Variants in FSTL5 observed in about 807,000 individuals in gnomAD.
FSTL5 encodes the protein follistatin like 5, also known as follistatin-related protein 5.
A neutral mutation model predicts 89.1 loss-of-function variants in FSTL5; 62 were observed. The observed-to-expected ratio is 0.70, with a 90% CI of 0.57 to 0.86. The LOEUF (loss-of-function observed/expected upper bound fraction) is 0.86, where lower values mean the gene tolerates loss of function less well. Ranked by LOEUF, FSTL5 falls within the 40% of genes least tolerant of loss-of-function variation. FSTL5 has a pLI of 0.00. For missense variants in FSTL5, 1,057 were observed against 1,001.6 expected (o/e 1.06, Z -0.75); for synonymous variants, 383 against 346.2 (o/e 1.11, Z -1.18).
chr4:161,667,318 G>T (rs1323067087), intron 6 of FSTL5, among the ~76,000 whole-genome samples: 1 of 152,044 alleles, frequency 6.6e-6, no homozygotes, highest in East Asian at 1.9e-4. Flanking sequence ...TCTTTTTTAT[G>T]CAGAATAGTT....
intron 6 of FSTL5, among the ~76,000 whole-genome samples, chr4:161,681,336 G>T (rs1380619951): frequency 6.6e-6 from 1 of 151,960 alleles, no homozygotes; most frequent in Non-Finnish European, 1.5e-5. Flanking sequence ...ATCTAATTAG[G>T]AAACAAGTTA....
intron 1 of FSTL5, among the ~76,000 whole-genome samples, chr4:162,155,648 C>T (rs1733438160): frequency 1.3e-5 from 2 of 152,194 alleles, no homozygotes. Context: ...CTGAAAATCA[C>T]ATGGGAGCAC....
intron 3 of FSTL5, among the ~76,000 whole-genome samples, chr4:161,935,356 T>C (rs1734403365): frequency 6.6e-6 from 1 of 152,160 alleles, no homozygotes; most frequent in Non-Finnish European, 1.5e-5. Context: ...AATCTTTGCC[T>C]TTCCTCAACA....
At position 161,384,256 on chromosome 4, in the gene FSTL5, A is replaced by G. The variant is rs1375834358; in HGVS notation, c.*1491T>C. The G allele has an allele frequency of 6.6e-6, 1 of 152,192 alleles. No individual in the cohort carries two copies. The highest frequency in any genetic ancestry group is 2.4e-5 in the African/African-American group (1 of 41,468). 9.4% of individuals were successfully genotyped at this position (152,192 alleles called of 1,614,324 possible). ...CAATTTAAACTTGAGTAAAATTTGT[A>G]TATTTAAAAAAGACCTTATTGGATT... On this transcript the variant is annotated 3_prime_UTR_variant, in exon 16 of 16. Coordinates refer to ENST00000306100, the MANE Select transcript of FSTL5 (RefSeq NM_020116.5).
intron 4 of FSTL5, among the ~76,000 whole-genome samples, chr4:161,800,355 A>G (rs1729754699): frequency 1.3e-5 from 2 of 151,726 alleles, no homozygotes; most frequent in Admixed American, 1.3e-4. Context: ...CTCCTTTAGA[A>G]TATAAGAACT....
intron 4 of FSTL5, among the ~76,000 whole-genome samples, chr4:161,799,079 G>T (rs879817468): frequency 2.0e-5 from 3 of 151,768 alleles, no homozygotes; most frequent in Non-Finnish European, 3.0e-5. Flanking sequence ...CCTAGATTTA[G>T]AAACTAACTG....
chr4:162,023,007 CT>C (rs1398742995), intron 3 of FSTL5: 1 of 152,086 alleles, frequency 6.6e-6, no homozygotes, highest in African/African-American at 2.4e-5. Flanking sequence ...TGGGTACCCC[CT>C]AAAAGCCCCA....
intron 4 of FSTL5, among the ~76,000 whole-genome samples, chr4:161,859,109 A>G (rs1300548170): frequency 6.6e-6 from 1 of 152,150 alleles, no homozygotes; most frequent in Non-Finnish European, 1.5e-5. Flanking sequence ...ATAGTCTTCC[A>G]CTTTTAAAAA....
intron 13 of FSTL5, among the ~76,000 whole-genome samples, chr4:161,476,239 G>A (rs553807729): frequency 1.5e-5 from 2 of 133,624 alleles, no homozygotes; most frequent in Non-Finnish European, 3.0e-5. Flanking sequence ...CCAGGCTGGA[G>A]TGCAATGGTG....
intron 12 of FSTL5, among the ~76,000 whole-genome samples, chr4:161,484,067 A>G (rs1019236545): frequency 6.6e-6 from 1 of 152,154 alleles, no homozygotes; most frequent in Non-Finnish European, 1.5e-5. Context: ...ATAAATTTTA[A>G]TTAGCAATTT....
At chr4:161,706,055 G>C (rs1367632642) in intron 6 of FSTL5, among the ~76,000 whole-genome samples, 1 of 139,448 alleles carries the variant, frequency 7.2e-6, no homozygotes, top group East Asian at 2.1e-4. Flanking sequence ...GGTTTATGGA[G>C]GTATCTAGCA....
intron 6 of FSTL5, among the ~76,000 whole-genome samples, chr4:161,706,362 A>C (rs2126735091): frequency 6.6e-6 from 1 of 152,104 alleles, no homozygotes; most frequent in Middle Eastern, 3.4e-3. Context: ...TTATTTAACA[A>C]AATTATTTAA....
intron 4 of FSTL5, among the ~76,000 whole-genome samples, chr4:161,795,826 A>T (rs1048749495): frequency 6.6e-6 from 1 of 151,874 alleles, no homozygotes; most frequent in African/African-American, 2.4e-5. Context: ...CCAGTACCAT[A>T]TTGTTTTGAT....
intron 2 of FSTL5, among the ~76,000 whole-genome samples, chr4:162,050,406 A>G (rs1265918413): frequency 6.6e-6 from 1 of 151,274 alleles, no homozygotes; most frequent in Non-Finnish European, 1.5e-5. Flanking sequence ...ATTTTATAAT[A>G]TAAATATTCT....
chr4:162,010,922 G>C (rs918740769), intron 3 of FSTL5, among the ~76,000 whole-genome samples: 1 of 151,834 alleles, frequency 6.6e-6, no homozygotes, highest in South Asian at 2.1e-4. Context: ...TTTTGTGTGG[G>C]TATATGTTTT....
At chr4:162,028,791 A>T (rs1737398548) in intron 3 of FSTL5, among the ~76,000 whole-genome samples, 1 of 152,164 alleles carries the variant, frequency 6.6e-6, no homozygotes, top group African/African-American at 2.4e-5. Flanking sequence ...GGACATTTTA[A>T]TCAGTCAATG....
Position 161,792,941 on chromosome 4 carries a change from G to A in FSTL5, c.410-16867C>T, listed in dbSNP as rs577132933. On this transcript the variant is annotated intron_variant, in intron 4 of 15. Coordinates refer to ENST00000306100, the MANE Select transcript of FSTL5 (RefSeq NM_020116.5). ...TGCTGGTGACAAGAAGGAGAGAAGA[G>A]CTGTGGCCCTTCATGGAGCCCAGAC... Among the ~76,000 whole-genome samples, 3 of 152,346 alleles carry A rather than the reference G, an allele frequency of 2.0e-5. No homozygotes were observed. The South Asian group carries it at 6.2e-4, about 32-fold the overall frequency.
chr4:162,140,638 T>C (rs923585360), intron 1 of FSTL5, among the ~76,000 whole-genome samples: 2 of 152,128 alleles, frequency 1.3e-5, no homozygotes, highest in African/African-American at 2.4e-5. Flanking sequence ...CATAAGATCA[T>C]TCAGACTGAT....
At chr4:161,966,105 C>G (rs1381972515) in intron 3 of FSTL5, among the ~76,000 whole-genome samples, 1 of 151,944 alleles carries the variant, frequency 6.6e-6, no homozygotes, top group East Asian at 1.9e-4. Context: ...GCAATGAAGT[C>G]GTATGGTAAG....
Sources: allele counts gnomAD v4.1 joint callset (sites outside exome capture counted in the v4.1 genomes callset), GRCh38; gene constraint gnomAD v4.1.1; transcripts MANE v1.5; gene names NCBI Gene and HGNC (gene_info 2026-07-23, HGNC 2026-07-21).